MDGA2: variants seen among roughly 807,000 people sequenced by gnomAD.
The protein encoded by MDGA2 is MAM domain-containing glycosylphosphatidylinositol anchor protein 2.
In MDGA2, 40 loss-of-function variants were observed where a neutral mutation model predicts 117.8. That is an observed-to-expected ratio of 0.34 (90% CI 0.26 to 0.44). The LOEUF (loss-of-function observed/expected upper bound fraction) is 0.44. Ranked by LOEUF, MDGA2 falls within the 20% of genes least tolerant of loss-of-function variation. The probability of loss-of-function intolerance (pLI) is 1.00; values close to 1 mark genes in which losing one functional copy is unlikely to be tolerated. For missense variants in MDGA2, 1,123 were observed against 1,250.6 expected (o/e 0.90, Z 1.54); for synonymous variants, 452 against 439.0 (o/e 1.03, Z -0.37).
intron 1 of MDGA2, among the ~76,000 whole-genome samples, chr14:47,360,765 T>C (rs569909033): frequency 1.3e-5 from 2 of 152,120 alleles, no homozygotes; most frequent in Non-Finnish European, 2.9e-5. Context: ...TAGAGATATC[T>C]GTGCTGCCAT....
intron 1 of MDGA2, among the ~76,000 whole-genome samples, chr14:47,660,408 A>G (rs1206347547): frequency 6.6e-6 from 1 of 152,240 alleles, no homozygotes; most frequent in African/African-American, 2.4e-5. Context: ...TTCAAAAAGC[A>G]TAGGAAAAAT....
intron 1 of MDGA2, among the ~76,000 whole-genome samples, chr14:47,422,247 T>C (rs1594849149): frequency 6.6e-6 from 1 of 152,208 alleles, no homozygotes; most frequent in East Asian, 1.9e-4. Context: ...AAAGGAACTA[T>C]GAGTGCTAAT....
intron 1 of MDGA2, among the ~76,000 whole-genome samples, chr14:47,607,206 G>T (rs1412396425): frequency 6.6e-6 from 1 of 152,108 alleles, no homozygotes; most frequent in Non-Finnish European, 1.5e-5. Context: ...CTCCAGATAT[G>T]TGCTGCTTCC....
chr14:47,443,846 C>G (rs1440829038), intron 1 of MDGA2, among the ~76,000 whole-genome samples: 1 of 152,116 alleles, frequency 6.6e-6, no homozygotes, highest in Non-Finnish European at 1.5e-5. Context: ...GGTCCAAGGC[C>G]TTCTGCCTGG....
chr14:47,129,154 T>G (rs916040755), intron 5 of MDGA2, among the ~76,000 whole-genome samples: 2 of 152,040 alleles, frequency 1.3e-5, no homozygotes, highest in Non-Finnish European at 2.9e-5. Flanking sequence ...TGCAGGTTAG[T>G]TACATATGTA....
At chr14:47,050,767 T>C (rs1033657876) in intron 7 of MDGA2, among the ~76,000 whole-genome samples, 3 of 152,020 alleles carry the variant, frequency 2.0e-5, no homozygotes, top group African/African-American at 7.2e-5. Flanking sequence ...TGATGTTGAA[T>C]ATGGTCTTCC....
chr14:47,034,708 A>G (rs892297820), intron 8 of MDGA2, among the ~76,000 whole-genome samples: 4 of 146,434 alleles, frequency 2.7e-5, no homozygotes, highest in African/African-American at 1.0e-4. Context: ...CATCAACCAG[A>G]TAACACCATC....
chr14:47,039,565 C>T (rs2138669645), intron 7 of MDGA2, among the ~76,000 whole-genome samples: 1 of 152,276 alleles, frequency 6.6e-6, no homozygotes, highest in East Asian at 1.9e-4. Flanking sequence ...TCATCATAAA[C>T]AGTTTTGTTC....
At chr14:46,998,564 A>G (rs1251970514) in intron 8 of MDGA2, among the ~76,000 whole-genome samples, 1 of 152,176 alleles carries the variant, frequency 6.6e-6, no homozygotes, top group Non-Finnish European at 1.5e-5. Context: ...GTTGAAAGCC[A>G]ATAAGACTGA....
intron 10 of MDGA2, among the ~76,000 whole-genome samples, chr14:46,914,719 A>T (rs1380928177): frequency 6.6e-6 from 1 of 152,140 alleles, no homozygotes; most frequent in Admixed American, 6.5e-5. Flanking sequence ...ATCTGCTATT[A>T]GTCTTAAAGA....
intron 1 of MDGA2, among the ~76,000 whole-genome samples, chr14:47,574,041 T>C (rs886679127): frequency 1.3e-5 from 2 of 152,162 alleles, no homozygotes; most frequent in Non-Finnish European, 2.9e-5. Context: ...AAACTTCACA[T>C]GGTGTATATA....
At chr14:47,053,475 T>A (rs1889528945) in intron 7 of MDGA2, among the ~76,000 whole-genome samples, 1 of 151,492 alleles carries the variant, frequency 6.6e-6, no homozygotes, top group African/African-American at 2.4e-5. Flanking sequence ...ATTACTGTAT[T>A]CTAAATGACC....
intron 10 of MDGA2, among the ~76,000 whole-genome samples, chr14:46,913,857 C>G (rs750317613): frequency 1.4e-5 from 2 of 140,670 alleles, no homozygotes; most frequent in Non-Finnish European, 3.1e-5. Context: ...TTTTTAAATT[C>G]CTGGAAATTA....
chr14:47,482,630 G>A (rs777415855), intron 1 of MDGA2, among the ~76,000 whole-genome samples: 4 of 152,012 alleles, frequency 2.6e-5, no homozygotes, highest in Non-Finnish European at 4.4e-5. Context: ...GGAAACCTGT[G>A]TCAAAGACAT....
intron 8 of MDGA2, among the ~76,000 whole-genome samples, chr14:46,976,392 A>C (rs1422864585): frequency 6.6e-6 from 1 of 152,080 alleles, no homozygotes; most frequent in Non-Finnish European, 1.5e-5. Flanking sequence ...GAACTGAAAA[A>C]GGACAGAGAC....
intron 14 of MDGA2, among the ~76,000 whole-genome samples, chr14:46,863,043 C>T (rs1286327393): frequency 6.6e-6 from 1 of 151,960 alleles, no homozygotes; most frequent in Non-Finnish European, 1.5e-5. Flanking sequence ...AAGTCAGATC[C>T]CTTACGCTGA....
chr14:47,554,494 G>T (rs2138784744), intron 1 of MDGA2, among the ~76,000 whole-genome samples: 1 of 152,224 alleles, frequency 6.6e-6, no homozygotes, highest in Non-Finnish European at 1.5e-5. Context: ...TTAGAAGTTG[G>T]TAATAATTCT....
At chr14:47,076,249 G>A (rs1890486866) in intron 6 of MDGA2, among the ~76,000 whole-genome samples, 1 of 151,652 alleles carries the variant, frequency 6.6e-6, no homozygotes, top group Admixed American at 6.6e-5. Flanking sequence ...AAAACATGCA[G>A]AGGAAAAAAA....
rs192970043 is a variant in MDGA2 at position 47,418,533 on chromosome 14, G to A, written c.281-116983C>T. ...GTGGAAGTAGCAAACAAGCTACCTT[G>A]AGCCTATTTTATGAAGGTCCTAATT... On this transcript the variant is annotated intron_variant, in intron 1 of 16. Transcript: ENST00000399232. 7.9e-5 allele frequency among the ~76,000 whole-genome samples: 12 copies of A among 152,256 alleles called. No individual in the cohort carries two copies. In the East Asian group the frequency reaches 2.3e-3, roughly 29 times the overall value.
Sources: gnomAD v4.1 joint callset for allele counts (sites outside exome capture counted in the v4.1 genomes callset) on GRCh38, gnomAD v4.1.1 for gene constraint, MANE v1.5 for transcripts, NCBI Gene and HGNC (gene_info 2026-07-23, HGNC 2026-07-21) for gene names.